Variants in TRPM5 observed in about 807,000 individuals in gnomAD.
TRPM5 encodes the protein MLSN1 and TRP-related.
A neutral mutation model predicts 124.9 loss-of-function variants in TRPM5; 121 were observed. The ratio of observed to expected loss-of-function variants is 0.97; its 90% CI spans 0.84 to 1.13. TRPM5 has a LOEUF of 1.13. TRPM5 is among the 50% of genes most tolerant of loss of function. The probability of loss-of-function intolerance (pLI) is 0.00; values close to 1 mark genes in which losing one functional copy is unlikely to be tolerated. For missense variants in TRPM5, 1,643 were observed against 1,589.1 expected, an observed-to-expected ratio of 1.03 and a Z score of -0.58; for synonymous variants, 781 against 700.5, an observed-to-expected ratio of 1.11 and a Z score of -1.81.
At chr11:2,414,922 G>A in exon 10 of TRPM5, 1 of 1,606,964 alleles carries the variant, frequency 6.2e-7, no homozygotes, top group South Asian at 1.1e-5. Context: ...CCCAGAAGTA[G>A]GTGGCCATCT....
At chr11:2,410,816 G>A in intron 18 of TRPM5, 1 of 386,162 alleles carries the variant, frequency 2.6e-6, no homozygotes, top group South Asian at 1.9e-5. Flanking sequence ...GTGCCTTTAG[G>A]AGCGGCCAAA....
chr11:2,428,986 G>T, the TRPM5 span, among the ~76,000 whole-genome samples: 2 of 151,508 alleles, frequency 1.3e-5, no homozygotes, highest in Admixed American at 6.6e-5. The surrounding 1 kb of genome is among the most constrained non-coding windows in gnomAD (Gnocchi z 4.0). Context: ...AGTGACAATG[G>T]TGACAGTGGA....
chr11:2,406,155 C>T, intron 21 of TRPM5, 64 bp from the exon 27 acceptor site: 2 of 1,567,892 alleles, frequency 1.3e-6, no homozygotes, highest in Non-Finnish European at 1.7e-6. Context: ...TGGGGAGCCT[C>T]CCCATCCCCC....
chr11:2,410,806 G>A (rs1850430403), intron 18 of TRPM5: 1 of 398,924 alleles, frequency 2.5e-6, no homozygotes, highest in Non-Finnish European at 4.9e-6. Context: ...AGCAGCCAGG[G>A]TGCCTTTAGG....
intron 21 of TRPM5, among the ~76,000 whole-genome samples, chr11:2,406,448 A>C (rs1414291978): frequency 6.6e-6 from 1 of 152,050 alleles, no homozygotes; most frequent in Non-Finnish European, 1.5e-5. Context: ...CGCCACGGTC[A>C]CTGTGCACGC....
intron 4 of TRPM5, 142 bp from the exon 10 acceptor site, chr11:2,418,733 C>G (rs1469744091): frequency 3.7e-6 from 3 of 811,790 alleles, no homozygotes; most frequent in Admixed American, 2.6e-5. Flanking sequence ...CCACGTGACA[C>G]AGGCTGCTTA....
At chr11:2,406,488 A>T (rs1850325688) in intron 21 of TRPM5, among the ~76,000 whole-genome samples, 173 bp downstream of exon 26, 2 of 152,192 alleles carry the variant, frequency 1.3e-5, no homozygotes. Flanking sequence ...GCGTCCCAGC[A>T]GGGTCCTGCA....
At chr11:2,407,649 C>T (rs1333697985) in intron 19 of TRPM5, 110 bp downstream of exon 24, 4 of 1,421,680 alleles carry the variant, frequency 2.8e-6, no homozygotes, top group African/African-American at 1.4e-5. Flanking sequence ...AGGCACCAAG[C>T]CTCACCCTCT....
At chr11:2,443,765 C>G in the TRPM5 span, among the ~76,000 whole-genome samples, 2 of 152,130 alleles carry the variant, frequency 1.3e-5, no homozygotes, top group African/African-American at 4.8e-5. The surrounding 1 kb of genome is among the most constrained non-coding windows in gnomAD (Gnocchi z 5.0). Context: ...TTAGTCCCTG[C>G]CTCAGGGCTG....
At chr11:2,420,803 G>C (rs1040977842) in intron 3 of TRPM5, among the ~76,000 whole-genome samples, 2 of 152,206 alleles carry the variant, frequency 1.3e-5, no homozygotes, top group South Asian at 2.1e-4. Context: ...AAAGGGCTCG[G>C]GGCCTGGGCC....
chr11:2,405,526 C>A lies in TRPM5; in HGVS notation c.3391+1G>T. 6.4e-7 allele frequency: 1 copy of A among 1,557,658 alleles called. No homozygotes were observed. The highest frequency in any genetic ancestry group is 8.7e-7 in the Non-Finnish European group (1 of 1,150,630). On this transcript the variant is annotated splice_donor_variant, in intron 23 of 23. Transcript: ENST00000155858. LOFTEE classifies it high-confidence loss of function. ...ATCCCACGCTCCCCAAACAGGCTTA[C>A]TCCGGGGGCCGCCACCCTGGGCCAG...
intron 7 of TRPM5, 102 bp from the exon 13 acceptor site, chr11:2,416,126 G>C: frequency 2.5e-6 from 2 of 784,642 alleles, no homozygotes; most frequent in Non-Finnish European, 4.1e-6. Context: ...ACGCGGAAAC[G>C]GGAACTTCAC....
At chr11:2,406,036 T>C in exon 22 of TRPM5, 1 of 1,612,056 alleles carries the variant, frequency 6.2e-7, no homozygotes, top group South Asian at 1.1e-5. Flanking sequence ...TCCAGACACT[T>C]GATGCGCTTT....
At chr11:2,412,692 G>T in intron 15 of TRPM5, 62 bp downstream of exon 20, 1 of 1,497,518 alleles carries the variant, frequency 6.7e-7, no homozygotes, top group East Asian at 2.3e-5. Context: ...GCAGGACCCA[G>T]CTTAGGTTGC....
the TRPM5 span, among the ~76,000 whole-genome samples, chr11:2,436,064 C>A: frequency 6.6e-6 from 1 of 152,258 alleles, no homozygotes; most frequent in Non-Finnish European, 1.5e-5. Flanking sequence ...ACCTTCCGCT[C>A]CCCTGACCTC....
chr11:2,437,921 C>T, the TRPM5 span, among the ~76,000 whole-genome samples: 18 of 152,090 alleles, frequency 1.2e-4, no homozygotes, highest in African/African-American at 3.9e-4. The surrounding 1 kb of genome is among the most constrained non-coding windows in gnomAD (Gnocchi z 5.6). Flanking sequence ...TGCTGATGAA[C>T]GTAAATATAA....
intron 6 of TRPM5, 131 bp downstream of exon 11, chr11:2,418,036 G>T: frequency 1.0e-6 from 1 of 1,002,248 alleles, no homozygotes. Context: ...CCTGAAGCGA[G>T]AGTGGGTGGG....
At chr11:2,405,641 A>G in intron 22 of TRPM5, 48 bp from the exon 28 acceptor site, 1 of 1,540,444 alleles carries the variant, frequency 6.5e-7, no homozygotes. Flanking sequence ...CTCTCAGGAC[A>G]GCAGGGGACA....
chr11:2,429,999 C>T, the TRPM5 span, among the ~76,000 whole-genome samples: 2 of 147,794 alleles, frequency 1.4e-5, no homozygotes, highest in African/African-American at 5.0e-5. This position sits in a 1 kb window ranked among gnomAD's most constrained non-coding sequence, Gnocchi z 8.4. Context: ...AGTTGGGGGG[C>T]ACAGTCCTTC....
Sources: gnomAD v4.1 joint callset for allele counts (sites outside exome capture counted in the v4.1 genomes callset) on GRCh38, gnomAD v4.1.1 for gene constraint, Gnocchi (gnomAD v3.1) non-coding constraint, MANE v1.5 for transcripts, NCBI Gene and HGNC (gene_info 2026-07-23, HGNC 2026-07-21) for gene names.